SEC23IP: variants seen among roughly 807,000 people sequenced by gnomAD.
SEC23IP encodes the protein SEC23-interacting protein.
In SEC23IP, 70 loss-of-function variants were observed where a neutral mutation model predicts 113.4. That is an observed-to-expected ratio of 0.62 (90% CI 0.51 to 0.75). The LOEUF (loss-of-function observed/expected upper bound fraction) is 0.75. Ranked by LOEUF, SEC23IP falls within the 30% of genes least tolerant of loss-of-function variation. SEC23IP has a pLI of 0.00. For synonymous variants in SEC23IP, 398 were observed against 421.0 expected, an observed-to-expected ratio of 0.95 and a Z score of 0.67; for missense variants, 1,160 against 1,204.9, an observed-to-expected ratio of 0.96 and a Z score of 0.55.
intron 12 of SEC23IP, among the ~76,000 whole-genome samples, chr10:119,921,265 G>C (rs1237235523): frequency 6.6e-6 from 1 of 152,302 alleles, no homozygotes; most frequent in African/African-American, 2.4e-5. Flanking sequence ...GCAAACAGTG[G>C]TTAAGTTCTG....
chr10:119,921,836 C>T (rs1294832779), intron 12 of SEC23IP, among the ~76,000 whole-genome samples: 1 of 152,120 alleles, frequency 6.6e-6, no homozygotes, highest in Non-Finnish European at 1.5e-5. Context: ...TTTGATGATC[C>T]TTCCATCTTT....
At position 119,892,875 on chromosome 10, in the gene SEC23IP, C is replaced by G. The variant is rs374867948; in HGVS notation, c.93C>G (p.Phe31Leu). ...TTTTCTCCTCCTCGGCCACGGAGTTCAGCTTCAATGTGCCCTTCATCCCAG... is the reference window on the plus strand; with the variant it reads ...TTTTCTCCTCCTCGGCCACGGAGTTGAGCTTCAATGTGCCCTTCATCCCAG... ...NLLFSSSATEFSFNVPFIPVT... is the reference protein window; with the variant it reads ...NLLFSSSATELSFNVPFIPVT... The change falls in exon 1 of 19, where the codon TTC becomes TTG. Residue 31 changes from phenylalanine (F) to leucine (L), a missense_variant. Transcript: ENST00000369075. 5.6e-6 allele frequency: 9 copies of G among 1,614,072 alleles called. No homozygotes were observed. The highest frequency in any genetic ancestry group is 7.6e-6 in the Non-Finnish European group (9 of 1,179,964).
In SEC23IP at chr10:119,920,893, TG is replaced by T; in HGVS notation, c.2031del (p.Met677IlefsTer7). On this transcript the variant is annotated frameshift_variant, in exon 12 of 19. Transcript: ENST00000369075. LOFTEE classifies it high-confidence loss of function. Reference sequence around the variant, plus strand: ...CTTGTCTGTTTCCTTTTAAAGCTTATGTGTACAGTTGATGACCTGAAGGAAA... The same window carrying T: ...CTTGTCTGTTTCCTTTTAAAGCTTATTGTACAGTTGATGACCTGAAGGAAA... ...KEKIDMESLL[M>X]CTVDDLKEMG... 1 of 1,603,392 alleles carries T rather than the reference TG, an allele frequency of 6.2e-7. No individual in the cohort carries two copies. The highest frequency in any genetic ancestry group is 8.5e-7 in the Non-Finnish European group (1 of 1,170,794).
chr10:119,894,234 T>G (rs192279352), intron 1 of SEC23IP, among the ~76,000 whole-genome samples: 1 of 152,370 alleles, frequency 6.6e-6, no homozygotes, highest in East Asian at 1.9e-4. Context: ...ATGACCTAAT[T>G]GCCTTTTTAT....
intron 18 of SEC23IP, 111 bp downstream of exon 18, chr10:119,933,898 G>A: frequency 2.0e-6 from 1 of 500,284 alleles, no homozygotes; most frequent in Non-Finnish European, 3.5e-6. Context: ...CTGAGTTTTT[G>A]TCGTCGTTTT....
intron 4 of SEC23IP, among the ~76,000 whole-genome samples, chr10:119,905,661 C>T (rs993434602): frequency 2.0e-5 from 3 of 152,146 alleles, no homozygotes; most frequent in Admixed American, 6.5e-5. Flanking sequence ...GACAAAACAA[C>T]GGAAGGGTTG....
chr10:119,927,752 A>T (rs1237349056), intron 13 of SEC23IP, among the ~76,000 whole-genome samples: 1 of 152,258 alleles, frequency 6.6e-6, no homozygotes, highest in Non-Finnish European at 1.5e-5. Context: ...TCAACCCATC[A>T]TATTAAACAT....
rs557828013 is a variant in SEC23IP at position 119,895,292 on chromosome 10, G to C, written c.163+2347G>C. On this transcript the variant is annotated intron_variant, in intron 1 of 18. Coordinates refer to ENST00000369075, the MANE Select transcript of SEC23IP (RefSeq NM_007190.4). The stretch of plus-strand genomic sequence containing the variant: ...CCAGCTACTCGGGAGGCTGAGGCAT[G>C]AGAATCGCTTGAGGAGGAGGTTGCA... Among the ~76,000 whole-genome samples, 21 of 152,314 alleles carry C rather than the reference G, an allele frequency of 1.4e-4. 1 individual carries two copies. In the East Asian group the frequency reaches 4.1e-3, roughly 29 times the overall value.
At chr10:119,939,482 C>T (rs1384183323) in intron 18 of SEC23IP, among the ~76,000 whole-genome samples, 1 of 151,880 alleles carries the variant, frequency 6.6e-6, no homozygotes, top group Non-Finnish European at 1.5e-5. Flanking sequence ...TCGAGACCAG[C>T]CTGGCCAAAT....
intron 2 of SEC23IP, among the ~76,000 whole-genome samples, chr10:119,900,291 GTGTGTGTA>G (rs1390115882): frequency 2.0e-5 from 3 of 151,222 alleles, no homozygotes; most frequent in South Asian, 4.2e-4. Flanking sequence ...ATGTGTGTGT[GTGTGTGTA>G]TATATATATA....
chr10:119,904,344 A>T (rs201436105), intron 4 of SEC23IP, 67 bp downstream of exon 4: 7 of 1,337,548 alleles, frequency 5.2e-6, no homozygotes, highest in Non-Finnish European at 1.1e-6. Flanking sequence ...TTGGTGAGTA[A>T]CATCATTCAC....
chr10:119,893,145 AC>A (rs1209679703), intron 1 of SEC23IP, among the ~76,000 whole-genome samples, 200 bp downstream of exon 1: 1 of 151,764 alleles, frequency 6.6e-6, no homozygotes, highest in Non-Finnish European at 1.5e-5. Flanking sequence ...CTTCACGGAA[AC>A]CCCCTGTTCC....
chr10:119,901,560 G>A (rs543311786), intron 2 of SEC23IP, among the ~76,000 whole-genome samples: 22 of 152,096 alleles, frequency 1.4e-4, no homozygotes, highest in Admixed American at 2.0e-4. Flanking sequence ...ACAGTAAAAG[G>A]CATCCATTTA....
At chr10:119,936,315 G>C (rs1855778027) in intron 18 of SEC23IP, among the ~76,000 whole-genome samples, 1 of 152,058 alleles carries the variant, frequency 6.6e-6, no homozygotes, top group African/African-American at 2.4e-5. Flanking sequence ...ATCCCAGTTT[G>C]AGAGGCCGAG....
chr10:119,911,212 A>T (rs1854850473), intron 5 of SEC23IP, among the ~76,000 whole-genome samples: 1 of 151,840 alleles, frequency 6.6e-6, no homozygotes. Context: ...ATTTTGCTTT[A>T]CTTGTTTTTA....
At chr10:119,893,004 C>T in intron 1 of SEC23IP, 59 bp downstream of exon 1, 4 of 1,552,976 alleles carry the variant, frequency 2.6e-6, no homozygotes, top group Non-Finnish European at 3.5e-6. Flanking sequence ...CGTGCAATGA[C>T]AAAGGTCAGA....
At chr10:119,927,475 A>G (rs529336870) in intron 13 of SEC23IP, among the ~76,000 whole-genome samples, 1 of 152,276 alleles carries the variant, frequency 6.6e-6, no homozygotes, top group Non-Finnish European at 1.5e-5. Flanking sequence ...TTTGCTGGCC[A>G]TCTTTGGCAG....
At chr10:119,931,754 G>A (rs989746496) in intron 15 of SEC23IP, among the ~76,000 whole-genome samples, 4 of 151,948 alleles carry the variant, frequency 2.6e-5, no homozygotes, top group South Asian at 2.1e-4. Context: ...GGGTTTCACC[G>A]TGTTAGCCAG....
intron 2 of SEC23IP, among the ~76,000 whole-genome samples, chr10:119,900,997 A>G (rs1854473240): frequency 7.2e-6 from 1 of 139,174 alleles, no homozygotes; most frequent in Non-Finnish European, 1.6e-5. Flanking sequence ...TTTCTAAAAC[A>G]TTAAAATTTT....
Sources: gnomAD v4.1 joint callset for allele counts (sites outside exome capture counted in the v4.1 genomes callset) on GRCh38, gnomAD v4.1.1 for gene constraint, MANE v1.5 for transcripts, NCBI Gene and HGNC (gene_info 2026-07-23, HGNC 2026-07-21) for gene names.